UBE2E1: variants seen among roughly 807,000 people sequenced by gnomAD.
UBE2E1 encodes ubiquitin conjugating enzyme E2 E1.
A neutral mutation model predicts 21.4 loss-of-function variants in UBE2E1; 6 were observed. That is an observed-to-expected ratio of 0.28 (90% CI 0.15 to 0.55). UBE2E1 has a LOEUF of 0.55. UBE2E1 is among the 20% of genes least tolerant of loss of function. The pLI is 0.93. For missense variants in UBE2E1, 142 were observed against 236.5 expected (o/e 0.60, Z 2.62); for synonymous variants, 87 against 82.7 (o/e 1.05, Z -0.28).
At chr3:23,880,392 T>C (rs981204208) in intron 3 of UBE2E1, among the ~76,000 whole-genome samples, 3 of 151,886 alleles carry the variant, frequency 2.0e-5, no homozygotes, top group African/African-American at 7.3e-5. Context: ...TTAAAAATAA[T>C]AATAATGGAT....
At chr3:23,886,348 T>C (rs558033305) in intron 3 of UBE2E1, among the ~76,000 whole-genome samples, 1 of 152,334 alleles carries the variant, frequency 6.6e-6, no homozygotes, top group South Asian at 2.1e-4. Context: ...CTTCTTTCTC[T>C]CACTTAATTC....
At chr3:23,811,622 G>A in intron 3 of UBE2E1, 112 bp downstream of exon 3, 3 of 1,001,282 alleles carry the variant, frequency 3.0e-6, no homozygotes, top group Non-Finnish European at 4.5e-6. Context: ...GCTTGTTATG[G>A]CACTAACATC....
At chr3:23,861,722 G>T (rs1700562201) in intron 3 of UBE2E1, among the ~76,000 whole-genome samples, 1 of 152,238 alleles carries the variant, frequency 6.6e-6, no homozygotes, top group Non-Finnish European at 1.5e-5. Context: ...CCATCGACTG[G>T]TGGAATGACA....
chr3:23,829,268 C>T (rs1699817880), intron 3 of UBE2E1, among the ~76,000 whole-genome samples: 1 of 151,122 alleles, frequency 6.6e-6, no homozygotes, highest in African/African-American at 2.4e-5. Flanking sequence ...TCAAGCGATC[C>T]TCCCACCTCA....
At chr3:23,868,222 C>A (rs72627045) in intron 3 of UBE2E1, among the ~76,000 whole-genome samples, 62 of 152,212 alleles carry the variant, frequency 4.1e-4, no homozygotes, top group African/African-American at 9.4e-4. Context: ...GTATCCCCCC[C>A]ACCTTTCCAA....
chr3:23,820,240 A>C (rs1460461491), intron 3 of UBE2E1, among the ~76,000 whole-genome samples: 1 of 152,196 alleles, frequency 6.6e-6, no homozygotes, highest in Non-Finnish European at 1.5e-5. Context: ...AAGACCTAGT[A>C]ACTGGTGTCA....
chr3:23,887,715 G>A lies in UBE2E1; in HGVS notation c.336+16G>A, dbSNP rs1050059896. The A allele has an allele frequency of 5.7e-6, 9 of 1,591,550 alleles. 1 individual carries two copies. Among genetic ancestry groups the A allele is most frequent in the African/African-American group, 1.4e-5 (1 of 73,478 alleles). ...GCCTCCAAAGGTAAGAAATCTCCCT[G>A]TATGCTCAAATTTACTAATTCCCAC... On this transcript the variant is annotated intron_variant, in intron 4 of 5. Transcript: ENST00000306627. The surrounding 1 kb of genome is among the most constrained non-coding windows in gnomAD (Gnocchi z 4.4).
chr3:23,810,292 T>C lies in UBE2E1; in HGVS notation c.153-1168T>C. On this transcript the variant is annotated intron_variant, in intron 2 of 5. Coordinates refer to ENST00000306627, the MANE Select transcript of UBE2E1 (RefSeq NM_003341.5). The surrounding 1 kb of genome is among the most constrained non-coding windows in gnomAD (Gnocchi z 5.8). ...GAAGAAGCTTAGAGGCCCTAAACTG[T>C]CGTATTAATTGATGCTCTAAGTGCC... 1 of 232,466 alleles carries C rather than the reference T, an allele frequency of 4.3e-6. No homozygotes were observed. Among genetic ancestry groups the C allele is most frequent in the Non-Finnish European group, 7.1e-6 (1 of 141,584 alleles). 14.4% of individuals were successfully genotyped at this position (232,466 alleles called of 1,614,324 possible). A position where few individuals can be genotyped will look rare whatever the true frequency, so the allele number is the denominator to read the frequency against.
At chr3:23,854,243 CAAAAAAAAAAA>C (rs754330255) in intron 3 of UBE2E1, among the ~76,000 whole-genome samples, 2 of 55,686 alleles carry the variant, frequency 3.6e-5, no homozygotes, top group African/African-American at 5.8e-5. Context: ...GACTCAGTCT[CAAAAAAAAAAA>C]AAAAAAAAAG....
rs534386083 is a variant in UBE2E1, at chr3:23,841,268, G to A, written c.203+29758G>A. The stretch of plus-strand genomic sequence containing the variant: ...ATCTGCTATAAATGGGTAAGAGTTA[G>A]ATTTTATTTAAAATTCATCTTGGCA... On this transcript the variant is annotated intron_variant, in intron 3 of 5. Coordinates refer to ENST00000306627, the MANE Select transcript of UBE2E1 (RefSeq NM_003341.5). 2.0e-4 allele frequency among the ~76,000 whole-genome samples: 31 copies of A among 152,208 alleles called. No individual in the cohort carries two copies. In the South Asian group the frequency reaches 6.4e-3, roughly 32 times the overall value.
chr3:23,825,806 A>T (rs1240961022), intron 3 of UBE2E1, among the ~76,000 whole-genome samples: 6 of 152,198 alleles, frequency 3.9e-5, no homozygotes, highest in African/African-American at 1.4e-4. Context: ...TTCAGTAGAA[A>T]GCCGTGGGAG....
chr3:23,807,305 C>G lies in UBE2E1; in HGVS notation c.36C>G (p.Ser12=). 1 of 1,613,988 alleles carries G rather than the reference C, an allele frequency of 6.2e-7. No individual in the cohort carries two copies. The highest frequency in any genetic ancestry group is 2.2e-5 in the East Asian group (1 of 44,866). ...ACGATTCGAGGGCCAGCACCAGCTC[C>G]TCCTCATCTTCGTCTTCCAACCAGC... is the stretch of plus-strand genomic sequence containing the variant. ...SDDDSRASTS[S]SSSSSSNQQT... Residue 12 remains serine, a synonymous_variant, in exon 2 of 6, where the codon TCC becomes TCG. Transcript: ENST00000306627.
Position 23,887,783 on chromosome 3 carries a change from C to T in UBE2E1, c.336+84C>T, listed in dbSNP as rs1239247694. 5.4e-6 allele frequency: 8 copies of T among 1,485,254 alleles called. No homozygotes were observed. In the African/African-American group the frequency reaches 1.1e-4, roughly 21 times the overall value. The allele number at this position is 1,485,254 out of a possible 1,614,324, so 92.0% of individuals were successfully genotyped here. A position where few individuals can be genotyped will look rare whatever the true frequency, so the allele number is the denominator to read the frequency against. ...GGTTTTTCTAAATTTAATTTTTAAT[C>T]ACAGAAACTAGATTTATCTTATGTC... On this transcript the variant is annotated intron_variant, in intron 4 of 5. Coordinates refer to ENST00000306627, the MANE Select transcript of UBE2E1 (RefSeq NM_003341.5). The surrounding 1 kb of genome is among the most constrained non-coding windows in gnomAD (Gnocchi z 4.4).
At chr3:23,875,674 T>G (rs186245340) in intron 3 of UBE2E1, among the ~76,000 whole-genome samples, 22 of 152,320 alleles carry the variant, frequency 1.4e-4, no homozygotes, top group Non-Finnish European at 2.6e-4. Context: ...TTGGAGATCT[T>G]AAGTGCCTGG....
chr3:23,854,243 C>CAA lies in UBE2E1; in HGVS notation c.204-33305_204-33304dup, dbSNP rs754330255. On this transcript the variant is annotated intron_variant, in intron 3 of 5. Transcript: ENST00000306627. ...TGGGCAACAGAGAGAGACTCAGTCT[C>CAA]AAAAAAAAAAAAAAAAAAAAGCTTT... is the stretch of plus-strand genomic sequence containing the variant. 7.8e-3 allele frequency among the ~76,000 whole-genome samples: 431 copies of CAA among 55,384 alleles called. 6 individuals carry two copies. Among genetic ancestry groups the CAA allele is most frequent in the African/African-American group, 0.021 (360 of 17,096 alleles). 36.3% of individuals were successfully genotyped at this position (55,384 alleles called of 152,430 possible).
intron 5 of UBE2E1, chr3:23,889,783 G>T: frequency 2.0e-6 from 2 of 983,592 alleles, no homozygotes; most frequent in Non-Finnish European, 2.4e-6. Flanking sequence ...ACAGCTACTA[G>T]GGTGGCTGAG....
intron 2 of UBE2E1, chr3:23,807,772 T>G: frequency 5.7e-6 from 1 of 176,502 alleles, no homozygotes; most frequent in Non-Finnish European, 1.2e-5. Flanking sequence ...TAATTACTAA[T>G]ACCAGCCCAG....
chr3:23,865,798 C>T (rs1018558387), intron 3 of UBE2E1, among the ~76,000 whole-genome samples: 17 of 152,198 alleles, frequency 1.1e-4, no homozygotes, highest in Admixed American at 1.1e-3. Context: ...AACTTACAAG[C>T]CAGTTTCGTG....
intron 3 of UBE2E1, among the ~76,000 whole-genome samples, chr3:23,871,418 G>A (rs77808788): frequency 0.014 from 1,694 of 117,930 alleles, 44 homozygotes; most frequent in African/African-American, 0.03. Context: ...CGGACAGGGC[G>A]GCTGGCCGGG....
Sources: allele counts gnomAD v4.1 joint callset (sites outside exome capture counted in the v4.1 genomes callset), GRCh38; gene constraint gnomAD v4.1.1; non-coding constraint Gnocchi (gnomAD v3.1); transcripts MANE v1.5; gene names NCBI Gene and HGNC (gene_info 2026-07-23, HGNC 2026-07-21).